Variants in CRTAC1 observed in about 807,000 individuals in gnomAD.
CRTAC1 encodes the protein acidic secreted protein in cartilage.
A neutral mutation model predicts 67.8 loss-of-function variants in CRTAC1; 37 were observed. The ratio of observed to expected loss-of-function variants is 0.55; its 90% CI spans 0.42 to 0.72. CRTAC1 has a LOEUF of 0.72. CRTAC1 is among the 30% of genes least tolerant of loss of function. The pLI is 0.00. For missense variants in CRTAC1, 780 were observed against 931.6 expected, an observed-to-expected ratio of 0.84 and a Z score of 2.12; for synonymous variants, 348 against 371.0, an observed-to-expected ratio of 0.94 and a Z score of 0.71.
chr10:97,876,258 C>T (rs539181934), intron 14 of CRTAC1, among the ~76,000 whole-genome samples: 4 of 152,294 alleles, frequency 2.6e-5, no homozygotes, highest in South Asian at 4.1e-4. Context: ...TGACCCTGCA[C>T]AAACCATTTA....
chr10:97,924,826 G>A (rs1160692325), intron 3 of CRTAC1, among the ~76,000 whole-genome samples: 1 of 152,218 alleles, frequency 6.6e-6, no homozygotes, highest in Non-Finnish European at 1.5e-5. Flanking sequence ...GTGAAAACCA[G>A]TGATTCTGTG....
intron 2 of CRTAC1, among the ~76,000 whole-genome samples, chr10:97,959,162 C>T (rs552734467): frequency 5.9e-5 from 9 of 152,252 alleles, no homozygotes; most frequent in South Asian, 4.2e-4. Flanking sequence ...TCAGGTGGAT[C>T]GGGGTCCCCA....
At chr10:97,905,376 T>C (rs951966039) in intron 6 of CRTAC1, among the ~76,000 whole-genome samples, 2 of 152,168 alleles carry the variant, frequency 1.3e-5, no homozygotes, top group East Asian at 3.9e-4. Flanking sequence ...GCTCTCCCTC[T>C]AGCTCTAGGT....
chr10:97,869,467 G>A (rs1446475758), intron 14 of CRTAC1: 1 of 152,680 alleles, frequency 6.5e-6, no homozygotes, highest in East Asian at 1.9e-4. Context: ...GACTGTCCCC[G>A]AGGTCCCAAG....
chr10:97,954,686 G>T (rs1010093475), intron 2 of CRTAC1, among the ~76,000 whole-genome samples: 1 of 152,182 alleles, frequency 6.6e-6, no homozygotes, highest in South Asian at 2.1e-4. Flanking sequence ...GTCTCCTAGG[G>T]CTGCCGTAAC....
intron 2 of CRTAC1, among the ~76,000 whole-genome samples, chr10:97,962,833 G>A (rs971914374): frequency 5.3e-5 from 8 of 151,016 alleles, no homozygotes; most frequent in East Asian, 2.0e-4. Context: ...AATGGTACCC[G>A]CGCATCTCGG....
rs1270097581 is a variant in CRTAC1, at chr10:97,934,414, G to C, written c.421+1756C>G. 4.6e-5 allele frequency among the ~76,000 whole-genome samples: 7 copies of C among 152,168 alleles called. No homozygotes were observed. In the East Asian group the frequency reaches 1.3e-3, roughly 29 times the overall value. On this transcript the variant is annotated intron_variant, in intron 3 of 14. Coordinates refer to ENST00000370597, the MANE Select transcript of CRTAC1 (RefSeq NM_018058.7). ...TGAAAACCCATAAAACACCACTCAG[G>C]GCTGTGGCTCATTGTTTCTTGGCTA...
At chr10:97,929,892 C>A (rs1305860347) in intron 3 of CRTAC1, among the ~76,000 whole-genome samples, 1 of 152,192 alleles carries the variant, frequency 6.6e-6, no homozygotes, top group Admixed American at 6.5e-5. Flanking sequence ...AATGGAAAAC[C>A]AGCAAGACAG....
At chr10:97,944,451 A>G (rs1166266166) in intron 2 of CRTAC1, among the ~76,000 whole-genome samples, 1 of 152,152 alleles carries the variant, frequency 6.6e-6, no homozygotes, top group Non-Finnish European at 1.5e-5. Flanking sequence ...AAAAATGATA[A>G]AAGAGTTGCT....
intron 7 of CRTAC1, 99 bp downstream of exon 7, chr10:97,904,570 C>T (rs1363130947): frequency 1.7e-5 from 21 of 1,233,046 alleles, no homozygotes; most frequent in Non-Finnish European, 2.3e-5. Context: ...TAGGCACGCA[C>T]CACCACACCT....
At chr10:97,961,786 G>C (rs1167727373) in intron 2 of CRTAC1, among the ~76,000 whole-genome samples, 1 of 152,204 alleles carries the variant, frequency 6.6e-6, no homozygotes, top group Non-Finnish European at 1.5e-5. Flanking sequence ...TAAAGCCCCA[G>C]TAGTCTGGGA....
chr10:97,993,897 G>T (rs190363160), intron 2 of CRTAC1, among the ~76,000 whole-genome samples: 1 of 151,918 alleles, frequency 6.6e-6, no homozygotes, highest in South Asian at 2.1e-4. Context: ...GCTCTTGTCC[G>T]CCAGCCTGGA....
At chr10:97,924,708 C>T (rs1353828316) in intron 3 of CRTAC1, among the ~76,000 whole-genome samples, 2 of 152,140 alleles carry the variant, frequency 1.3e-5, no homozygotes, top group Non-Finnish European at 2.9e-5. Flanking sequence ...GGATGGTCCC[C>T]CCACCAAAGT....
chr10:97,976,389 C>G (rs1260585967), intron 2 of CRTAC1, among the ~76,000 whole-genome samples: 1 of 152,176 alleles, frequency 6.6e-6, no homozygotes, highest in Non-Finnish European at 1.5e-5. Context: ...TGGCCTGAGG[C>G]AGGTTTCCTG....
intron 2 of CRTAC1, among the ~76,000 whole-genome samples, chr10:98,005,403 C>T (rs182546569): frequency 2.0e-5 from 3 of 149,818 alleles, no homozygotes; most frequent in African/African-American, 7.4e-5. Context: ...CCATGCCTGG[C>T]CAAAAGTAAA....
intron 2 of CRTAC1, among the ~76,000 whole-genome samples, chr10:97,952,119 G>T (rs954470068): frequency 6.6e-6 from 1 of 152,068 alleles, no homozygotes; most frequent in Admixed American, 6.5e-5. Context: ...TTGGGAGGCC[G>T]AGGCGGGCAG....
At chr10:97,971,837 A>G (rs1197826844) in intron 2 of CRTAC1, among the ~76,000 whole-genome samples, 2 of 152,152 alleles carry the variant, frequency 1.3e-5, no homozygotes, top group African/African-American at 4.8e-5. Context: ...TGAGGTGTAC[A>G]TTTATCTGTT....
chr10:97,920,334 C>T (rs1360669477), intron 4 of CRTAC1, among the ~76,000 whole-genome samples: 6 of 152,278 alleles, frequency 3.9e-5, no homozygotes, highest in East Asian at 3.9e-4. Context: ...AGATGTGTTA[C>T]GGTTGTAGAA....
At chr10:97,918,231 G>T (rs2050787195) in intron 4 of CRTAC1, among the ~76,000 whole-genome samples, 1 of 152,072 alleles carries the variant, frequency 6.6e-6, no homozygotes, top group African/African-American at 2.4e-5. Context: ...TATTTCCCCT[G>T]TATTACCAGG....
Sources: gnomAD v4.1 joint callset for allele counts (sites outside exome capture counted in the v4.1 genomes callset) on GRCh38, gnomAD v4.1.1 for gene constraint, MANE v1.5 for transcripts, NCBI Gene and HGNC (gene_info 2026-07-23, HGNC 2026-07-21) for gene names.